SGCZ: variants seen among roughly 807,000 people sequenced by gnomAD.
SGCZ encodes the protein sarcoglycan zeta.
A neutral mutation model predicts 41.3 loss-of-function variants in SGCZ; 40 were observed. The ratio of observed to expected loss-of-function variants is 0.97; its 90% CI spans 0.75 to 1.26. SGCZ has a LOEUF of 1.26. Among genes scored for constraint, SGCZ ranks in the 50% most tolerant of loss-of-function variants. SGCZ has a pLI of 0.00. For synonymous variants in SGCZ, 206 were observed against 137.5 expected, an observed-to-expected ratio of 1.50 and a Z score of -3.49; for missense variants, 552 against 369.8, an observed-to-expected ratio of 1.49 and a Z score of -4.04.
chr8:14,143,235 A>T (rs892987909), intron 5 of SGCZ, among the ~76,000 whole-genome samples: 8 of 152,196 alleles, frequency 5.3e-5, no homozygotes, highest in African/African-American at 1.9e-4. Flanking sequence ...AGACTGGATG[A>T]GTTCTCTCTA....
intron 2 of SGCZ, among the ~76,000 whole-genome samples, chr8:14,373,284 G>A (rs1284936213): frequency 6.6e-6 from 1 of 152,172 alleles, no homozygotes; most frequent in Non-Finnish European, 1.5e-5. Context: ...GAACATCGAT[G>A]CATAATTAAC....
At chr8:14,240,553 C>A (rs962936708) in intron 3 of SGCZ, among the ~76,000 whole-genome samples, 4 of 152,022 alleles carry the variant, frequency 2.6e-5, no homozygotes, top group African/African-American at 9.7e-5. Flanking sequence ...CACCAATAAT[C>A]TTTTTACTTA....
At chr8:14,671,424 A>G (rs1036673851) in intron 1 of SGCZ, among the ~76,000 whole-genome samples, 19 of 152,352 alleles carry the variant, frequency 1.2e-4, no homozygotes, top group African/African-American at 4.6e-4. Context: ...AGAAAAAGCC[A>G]AGTTTGAAAA....
chr8:14,999,934 T>G (rs1404141734), intron 1 of SGCZ, among the ~76,000 whole-genome samples: 1 of 152,148 alleles, frequency 6.6e-6, no homozygotes, highest in Non-Finnish European at 1.5e-5. Context: ...GCTGAATGCC[T>G]TCTTCCGCCT....
chr8:14,745,427 A>G (rs1799314046), intron 1 of SGCZ, among the ~76,000 whole-genome samples: 1 of 151,956 alleles, frequency 6.6e-6, no homozygotes, highest in South Asian at 2.1e-4. Flanking sequence ...GGATCAAAAT[A>G]TTTTTCCTTA....
chr8:14,409,779 T>C (rs1286624272), intron 2 of SGCZ, among the ~76,000 whole-genome samples: 1 of 152,168 alleles, frequency 6.6e-6, no homozygotes, highest in Non-Finnish European at 1.5e-5. Flanking sequence ...TAGCAACACA[T>C]ACTTGGAAAG....
At chr8:14,441,877 T>G (rs1800281627) in intron 2 of SGCZ, among the ~76,000 whole-genome samples, 1 of 152,186 alleles carries the variant, frequency 6.6e-6, no homozygotes, top group Admixed American at 6.5e-5. Flanking sequence ...AATGTTTGTC[T>G]TAAAGGCCTG....
chr8:14,346,236 C>G (rs935617950), intron 2 of SGCZ, among the ~76,000 whole-genome samples: 1 of 152,060 alleles, frequency 6.6e-6, no homozygotes, highest in Non-Finnish European at 1.5e-5. Context: ...GTACATTCTG[C>G]TCATTTTCCT....
chr8:14,683,966 T>A (rs957912163), intron 1 of SGCZ, among the ~76,000 whole-genome samples: 1 of 152,188 alleles, frequency 6.6e-6, no homozygotes, highest in Non-Finnish European at 1.5e-5. Context: ...ATGTGTTTCA[T>A]CTCACAATCC....
intron 2 of SGCZ, among the ~76,000 whole-genome samples, chr8:14,444,930 A>G (rs947280646): frequency 6.6e-6 from 1 of 152,150 alleles, no homozygotes; most frequent in African/African-American, 2.4e-5. Context: ...ACCTGCTCTG[A>G]AAAAAATTTC....
intron 1 of SGCZ, among the ~76,000 whole-genome samples, chr8:14,823,725 G>A (rs761111220): frequency 1.3e-5 from 2 of 152,142 alleles, no homozygotes; most frequent in Non-Finnish European, 2.9e-5. Flanking sequence ...TTCCATTCCT[G>A]TGTCTATATT....
At chr8:14,571,948 A>C (rs1407456534) in intron 1 of SGCZ, among the ~76,000 whole-genome samples, 1 of 152,200 alleles carries the variant, frequency 6.6e-6, no homozygotes, top group Non-Finnish European at 1.5e-5. Context: ...TAGAAAAGGT[A>C]GGTTGGAATG....
chr8:15,197,355 A>AGGG (rs1800761868), intron 1 of SGCZ, among the ~76,000 whole-genome samples: 1 of 152,246 alleles, frequency 6.6e-6, no homozygotes, highest in Non-Finnish European at 1.5e-5. Context: ...AAAAAGAGAA[A>AGGG]GGATATAACA....
At chr8:15,186,278 A>AGTT (rs1800340440) in intron 1 of SGCZ, among the ~76,000 whole-genome samples, 3 of 27,598 alleles carry the variant, frequency 1.1e-4, no homozygotes, top group Non-Finnish European at 1.7e-4. Flanking sequence ...AAAAAAAAAA[A>AGTT]AAAAAAAAAA....
chr8:14,509,091 A>G (rs1344555216), intron 2 of SGCZ, among the ~76,000 whole-genome samples: 2 of 152,140 alleles, frequency 1.3e-5, no homozygotes, highest in Non-Finnish European at 2.9e-5. Context: ...AGAAAGATAT[A>G]AGGCTCTTTA....
intron 1 of SGCZ, among the ~76,000 whole-genome samples, chr8:15,147,777 C>T (rs545109845): frequency 4.6e-5 from 7 of 152,230 alleles, no homozygotes; most frequent in African/African-American, 1.4e-4. Context: ...TCACACTCTT[C>T]GAAGGGCACT....
At chr8:14,584,421 A>C (rs1422390390) in intron 1 of SGCZ, among the ~76,000 whole-genome samples, 1 of 152,070 alleles carries the variant, frequency 6.6e-6, no homozygotes, top group African/African-American at 2.4e-5. Context: ...AGATTTTTTA[A>C]ATGTATGATA....
At chr8:14,601,702 T>G (rs1292032067) in intron 1 of SGCZ, among the ~76,000 whole-genome samples, 1 of 152,204 alleles carries the variant, frequency 6.6e-6, no homozygotes, top group Non-Finnish European at 1.5e-5. Flanking sequence ...GTGGCAGATG[T>G]GAGAACATCT....
intron 1 of SGCZ, among the ~76,000 whole-genome samples, chr8:15,067,110 AT>A (rs1805180498): frequency 6.6e-6 from 1 of 152,136 alleles, no homozygotes; most frequent in Non-Finnish European, 1.5e-5. Context: ...AATGTTTATA[AT>A]TTTTTAACTG....
Sources: allele counts gnomAD v4.1 joint callset (sites outside exome capture counted in the v4.1 genomes callset), GRCh38; gene constraint gnomAD v4.1.1; transcripts MANE v1.5; gene names NCBI Gene and HGNC (gene_info 2026-07-23, HGNC 2026-07-21).